ARB2A: variants seen among roughly 807,000 people sequenced by gnomAD.
ARB2A encodes the protein cotranscriptional regulator ARB2A.
the ARB2A span, among the ~76,000 whole-genome samples, chr5:93,985,366 CCTCT>C: frequency 6.6e-6 from 1 of 151,436 alleles, no homozygotes; most frequent in African/African-American, 2.4e-5. Flanking sequence ...ATGCCCTCTC[CCTCT>C]CTCTCTCCCT....
the ARB2A span, among the ~76,000 whole-genome samples, chr5:93,984,867 A>G: frequency 1.3e-5 from 2 of 152,240 alleles, no homozygotes; most frequent in African/African-American, 4.8e-5. Flanking sequence ...TATATGAAAA[A>G]CAATATTTTA....
the ARB2A span, among the ~76,000 whole-genome samples, chr5:93,923,770 C>T: frequency 6.6e-6 from 1 of 152,108 alleles, no homozygotes; most frequent in Non-Finnish European, 1.5e-5. Context: ...GATCACACCA[C>T]TGCATTTCAG....
At chr5:93,862,127 T>G in the ARB2A span, 148 of 152,340 alleles carry the variant, frequency 9.7e-4, no homozygotes, top group Middle Eastern at 3.4e-3. Context: ...GTGAAATATA[T>G]TCAATGGTAT....
chr5:93,919,561 G>T, the ARB2A span, among the ~76,000 whole-genome samples: 1 of 152,126 alleles, frequency 6.6e-6, no homozygotes, highest in Non-Finnish European at 1.5e-5. Context: ...TTAGGCAATT[G>T]TGATTGGCAA....
the ARB2A span, among the ~76,000 whole-genome samples, chr5:93,688,272 C>A: frequency 3.3e-5 from 5 of 152,240 alleles, no homozygotes; most frequent in Admixed American, 3.3e-4. Context: ...CCGCGCCTGG[C>A]CATTCTTTAA....
At chr5:94,076,470 G>A in the ARB2A span, among the ~76,000 whole-genome samples, 2 of 152,308 alleles carry the variant, frequency 1.3e-5, no homozygotes, top group African/African-American at 2.4e-5. Flanking sequence ...GTACTATGGT[G>A]AGTAAAACAA....
the ARB2A span, among the ~76,000 whole-genome samples, chr5:93,622,064 G>A: frequency 1.6e-3 from 246 of 152,142 alleles, 3 homozygotes; most frequent in African/African-American, 5.6e-3. Flanking sequence ...CACAGGCAGC[G>A]GATAACACGG....
chr5:94,085,947 T>C, the ARB2A span, among the ~76,000 whole-genome samples: 1 of 152,148 alleles, frequency 6.6e-6, no homozygotes, highest in African/African-American at 2.4e-5. Flanking sequence ...GTATCACAAA[T>C]TGTGATAAAA....
the ARB2A span, among the ~76,000 whole-genome samples, chr5:94,044,408 C>T: frequency 6.6e-6 from 1 of 152,106 alleles, no homozygotes. Flanking sequence ...TGACCCATAT[C>T]AACACTTTCG....
At chr5:93,692,943 T>C in the ARB2A span, among the ~76,000 whole-genome samples, 1 of 152,178 alleles carries the variant, frequency 6.6e-6, no homozygotes, top group African/African-American at 2.4e-5. Flanking sequence ...AACCTGCTCC[T>C]GAATGACTAT....
the ARB2A span, among the ~76,000 whole-genome samples, chr5:94,050,130 T>C: frequency 1.3e-5 from 2 of 151,988 alleles, no homozygotes; most frequent in Non-Finnish European, 2.9e-5. Flanking sequence ...TGTAGAGACA[T>C]GGTCTTGCTA....
the ARB2A span, among the ~76,000 whole-genome samples, chr5:93,762,520 G>A: frequency 6.6e-6 from 1 of 152,112 alleles, no homozygotes; most frequent in East Asian, 1.9e-4. Flanking sequence ...AAAAAGAAAT[G>A]AACAAAGCCT....
At chr5:93,692,465 T>C in the ARB2A span, among the ~76,000 whole-genome samples, 1 of 152,108 alleles carries the variant, frequency 6.6e-6, no homozygotes, top group African/African-American at 2.4e-5. Context: ...CATTACATAA[T>C]AGTAAAGGGA....
At chr5:93,887,558 AAAAC>A in the ARB2A span, among the ~76,000 whole-genome samples, 1,905 of 151,924 alleles carry the variant, frequency 0.013, 48 homozygotes, top group African/African-American at 0.043. Flanking sequence ...ATAATTTACA[AAAAC>A]AAACAAACAA....
the ARB2A span, chr5:93,776,185 A>G: frequency 6.2e-7 from 1 of 1,610,552 alleles, no homozygotes; most frequent in Admixed American, 1.7e-5. Context: ...GCAATCAGGT[A>G]GCATGGACTC....
At chr5:93,787,237 G>A in the ARB2A span, among the ~76,000 whole-genome samples, 57 of 152,156 alleles carry the variant, frequency 3.7e-4, no homozygotes, top group Middle Eastern at 3.4e-3. Context: ...TATCCAGTAA[G>A]AGATCCCTTT....
the ARB2A span, among the ~76,000 whole-genome samples, chr5:93,714,455 T>C: frequency 6.6e-6 from 1 of 152,336 alleles, no homozygotes; most frequent in East Asian, 1.9e-4. Flanking sequence ...TCCATTTCTT[T>C]ACATGCAATT....
At chr5:93,659,625 G>C in the ARB2A span, among the ~76,000 whole-genome samples, 51 of 152,236 alleles carry the variant, frequency 3.4e-4, no homozygotes, top group East Asian at 9.5e-3. Context: ...CAGCTCTAAA[G>C]AGAGGCTGGA....
At chr5:93,846,367 T>G in the ARB2A span, among the ~76,000 whole-genome samples, 14 of 150,314 alleles carry the variant, frequency 9.3e-5, no homozygotes, top group South Asian at 1.3e-3. Flanking sequence ...CCAGGTGTAG[T>G]GGCATGTGCC....
Sources: gnomAD v4.1 joint callset for allele counts (sites outside exome capture counted in the v4.1 genomes callset) on GRCh38, gnomAD v4.1.1 for gene constraint, MANE v1.5 for transcripts, NCBI Gene and HGNC (gene_info 2026-07-23, HGNC 2026-07-21) for gene names.